BMP5: variants seen among roughly 807,000 people sequenced by gnomAD.
BMP5 encodes bone morphogenetic protein 5.
BMP5 carries 23 observed loss-of-function variants against 46.6 expected under a neutral mutation model. That is an observed-to-expected ratio of 0.49 (90% CI 0.35 to 0.70). The LOEUF is 0.70. Among genes scored for constraint, BMP5 ranks in the 30% least tolerant of loss-of-function variants. BMP5 has a pLI of 0.00. For missense variants in BMP5, 545 were observed against 565.6 expected, an observed-to-expected ratio of 0.96 and a Z score of 0.37; for synonymous variants, 204 against 191.9, an observed-to-expected ratio of 1.06 and a Z score of -0.52.
rs539977157 is a variant in BMP5 at position 55,863,763 on chromosome 6, C to A, written c.490+10613G>T. ...CATAGCCATCATAATGTAGCACAAC[C>A]AATTACGTGTTTTCAGATATGTTTC... On this transcript the variant is annotated intron_variant, in intron 1 of 6. Transcript: ENST00000370830. Among the ~76,000 whole-genome samples the A allele has an allele frequency of 9.1e-4, 139 of 152,230 alleles. 2 individuals carry two copies. In the South Asian group the frequency reaches 0.027, roughly 30 times the overall value.
chr6:55,874,240 G>A, intron 1 of BMP5, 136 bp downstream of exon 1: 1 of 1,092,786 alleles, frequency 9.2e-7, no homozygotes, highest in Non-Finnish European at 1.3e-6. Flanking sequence ...ATGAAAGAAA[G>A]AAAACAGAAG....
chr6:55,820,193 T>C (rs1016934022), intron 1 of BMP5, among the ~76,000 whole-genome samples: 1 of 152,144 alleles, frequency 6.6e-6, no homozygotes, highest in Non-Finnish European at 1.5e-5. Flanking sequence ...TCTGAATATG[T>C]TACCGTAACC....
chr6:55,843,736 A>G (rs552736931), intron 1 of BMP5, among the ~76,000 whole-genome samples: 2 of 152,236 alleles, frequency 1.3e-5, no homozygotes, highest in African/African-American at 2.4e-5. Context: ...CCAAAGTATT[A>G]ATAAATTTGT....
intron 1 of BMP5, among the ~76,000 whole-genome samples, chr6:55,865,775 G>A (rs1777627702): frequency 6.6e-6 from 1 of 152,168 alleles, no homozygotes; most frequent in South Asian, 2.1e-4. Flanking sequence ...TTTGTCTCAT[G>A]TAGGCTCAAA....
At chr6:55,866,881 C>T (rs1777652186) in intron 1 of BMP5, among the ~76,000 whole-genome samples, 1 of 152,100 alleles carries the variant, frequency 6.6e-6, no homozygotes, top group African/African-American at 2.4e-5. Flanking sequence ...ATCTCTCACA[C>T]TAAATTATTA....
chr6:55,779,290 G>A (rs114531591), intron 3 of BMP5, among the ~76,000 whole-genome samples: 1 of 151,978 alleles, frequency 6.6e-6, no homozygotes, highest in Non-Finnish European at 1.5e-5. Flanking sequence ...CTAAACCCAC[G>A]GTAATTGACT....
chr6:55,763,439 T>G (rs1003536052), intron 4 of BMP5, among the ~76,000 whole-genome samples: 2 of 152,176 alleles, frequency 1.3e-5, no homozygotes, highest in Admixed American at 1.3e-4. Context: ...GACCATATGC[T>G]TATTCTGTCA....
intron 1 of BMP5, among the ~76,000 whole-genome samples, chr6:55,857,353 A>G (rs958223884): frequency 1.3e-5 from 2 of 152,226 alleles, no homozygotes; most frequent in African/African-American, 2.4e-5. Context: ...AAAGGTTGAT[A>G]AGATGATAAA....
intron 2 of BMP5, among the ~76,000 whole-genome samples, chr6:55,805,443 C>T (rs1471214605): frequency 6.6e-6 from 1 of 152,088 alleles, no homozygotes; most frequent in East Asian, 1.9e-4. Flanking sequence ...TGATCTCATT[C>T]CTTTTTATGG....
At chr6:55,782,105 A>G (rs939792211) in intron 3 of BMP5, among the ~76,000 whole-genome samples, 5 of 152,112 alleles carry the variant, frequency 3.3e-5, no homozygotes, top group Non-Finnish European at 7.4e-5. Flanking sequence ...TGCCATAGTA[A>G]CTACTTCTGC....
intron 3 of BMP5, among the ~76,000 whole-genome samples, chr6:55,785,593 T>A (rs1181655702): frequency 6.6e-6 from 1 of 151,812 alleles, no homozygotes; most frequent in Non-Finnish European, 1.5e-5. Flanking sequence ...GAAATCTATG[T>A]CATATTTATT....
chr6:55,842,547 C>G (rs1180311679), intron 1 of BMP5, among the ~76,000 whole-genome samples: 1 of 152,050 alleles, frequency 6.6e-6, no homozygotes, highest in East Asian at 1.9e-4. Flanking sequence ...TTCGAACTGC[C>G]TCAGGAACCC....
intron 3 of BMP5, among the ~76,000 whole-genome samples, chr6:55,784,881 G>A (rs888237066): frequency 6.6e-6 from 1 of 151,808 alleles, no homozygotes. Context: ...TAATTTGTAA[G>A]AGTCAGCATA....
At chr6:55,863,194 T>G (rs1005068275) in intron 1 of BMP5, among the ~76,000 whole-genome samples, 1 of 152,176 alleles carries the variant, frequency 6.6e-6, no homozygotes, top group African/African-American at 2.4e-5. Flanking sequence ...CATATCTACT[T>G]CCTTGAGGGC....
chr6:55,804,975 T>C (rs1327249480), intron 2 of BMP5, among the ~76,000 whole-genome samples: 1 of 152,166 alleles, frequency 6.6e-6, no homozygotes, highest in Admixed American at 6.5e-5. Context: ...CAAATGCTTA[T>C]TTACCTCTCT....
At position 55,874,486 on chromosome 6, in the gene BMP5, A is replaced by T. The variant is rs148766592; in HGVS notation, c.380T>A (p.Ile127Lys). 9,633 of 1,613,426 alleles carry T rather than the reference A, an allele frequency of 6.0e-3. 56 individuals are homozygous for T. The highest frequency in any genetic ancestry group is 0.013 in the South Asian group (1,216 of 91,066). Reference protein sequence around the residue: ...PASPNGYPRRIQLSRTTPLTT... With the variant: ...PASPNGYPRRKQLSRTTPLTT... ...CAGAGGAGTCGTCCGAGATAACTGT[A>T]TGCGACGAGGATACCCATTGGGAGA... Residue 127 changes from isoleucine to lysine, a missense_variant, in exon 1 of 7, where the codon ATA (isoleucine) becomes AAA (lysine). Physicochemically the swap from Ile to Lys is moderately radical, Grantham distance 102. Coordinates refer to ENST00000370830, the MANE Select transcript of BMP5 (RefSeq NM_021073.4).
intron 1 of BMP5, among the ~76,000 whole-genome samples, chr6:55,831,422 A>T (rs1776661342): frequency 6.6e-6 from 1 of 152,032 alleles, no homozygotes; most frequent in African/African-American, 2.4e-5. Flanking sequence ...GAACCTACTA[A>T]AAAAAACTAC....
chr6:55,865,508 A>T, intron 1 of BMP5: 1 of 444,860 alleles, frequency 2.2e-6, no homozygotes, highest in South Asian at 1.6e-5. Flanking sequence ...AGGCTCTGAC[A>T]TAGACTGACC....
chr6:55,838,712 T>TA (rs1302219566), intron 1 of BMP5, among the ~76,000 whole-genome samples: 1 of 152,164 alleles, frequency 6.6e-6, no homozygotes, highest in Non-Finnish European at 1.5e-5. Flanking sequence ...TTATATCATT[T>TA]AAAAAATCCT....
Sources: gnomAD v4.1 joint callset for allele counts (sites outside exome capture counted in the v4.1 genomes callset) on GRCh38, gnomAD v4.1.1 for gene constraint, MANE v1.5 for transcripts, NCBI Gene and HGNC (gene_info 2026-07-23, HGNC 2026-07-21) for gene names.